The following RASAL2 variants were observed in gnomAD, a reference collection of about 807,000 sequenced individuals.
RASAL2 encodes the protein RAS protein activator like 2, also known as ras GTPase-activating protein nGAP.
Under a neutral mutation model 128.9 loss-of-function variants are expected in RASAL2, and 58 were observed. The ratio of observed to expected loss-of-function variants is 0.45; its 90% CI spans 0.36 to 0.56. The LOEUF (loss-of-function observed/expected upper bound fraction) is 0.56, where lower values mean the gene tolerates loss of function less well. RASAL2 is among the 20% of genes least tolerant of loss of function. The pLI, the probability that RASAL2 is intolerant of heterozygous loss-of-function variation, is 0.00. For missense variants in RASAL2, 1,360 were observed against 1,601.6 expected (o/e 0.85, Z 2.57); for synonymous variants, 561 against 580.8 (o/e 0.97, Z 0.49).
At chr1:178,392,140 G>C (rs574910435) in intron 4 of RASAL2, among the ~76,000 whole-genome samples, 1 of 152,228 alleles carries the variant, frequency 6.6e-6, no homozygotes, top group Admixed American at 6.5e-5. Flanking sequence ...TCCATTCTGA[G>C]ACCCTATATA....
intron 1 of RASAL2, among the ~76,000 whole-genome samples, chr1:178,163,284 A>C (rs931365023): frequency 2.0e-5 from 3 of 151,990 alleles, no homozygotes; most frequent in African/African-American, 7.3e-5. Context: ...TCTTGATGAT[A>C]GTTTTTGAAG....
At chr1:178,236,011 A>G (rs1049030664) in intron 1 of RASAL2, among the ~76,000 whole-genome samples, 3 of 152,310 alleles carry the variant, frequency 2.0e-5, no homozygotes, top group East Asian at 3.9e-4. Flanking sequence ...TAATTTTCCA[A>G]AAAAGATTAT....
chr1:178,358,248 A>AAAAAAAAAAAAAAAAAAAAAAAAT (rs1557927403), intron 3 of RASAL2, among the ~76,000 whole-genome samples: 1 of 148,126 alleles, frequency 6.8e-6, no homozygotes, highest in African/African-American at 2.5e-5. Context: ...AAAAAAAAAA[A>AAAAAAAAAAAAAAAAAAAAAAAAT]AAAAAAAAAA....
At chr1:178,096,501 A>G (rs888026760) in intron 1 of RASAL2, among the ~76,000 whole-genome samples, 9 of 151,766 alleles carry the variant, frequency 5.9e-5, no homozygotes, top group African/African-American at 2.2e-4. Flanking sequence ...AGAGAGAGAG[A>G]GTGAGAGCAA....
At chr1:178,434,681 T>G (rs1676141561) in intron 5 of RASAL2, among the ~76,000 whole-genome samples, 1 of 151,992 alleles carries the variant, frequency 6.6e-6, no homozygotes, top group African/African-American at 2.4e-5. Context: ...GCTCAGCTGG[T>G]GCTGTCAGGA....
intron 1 of RASAL2, among the ~76,000 whole-genome samples, chr1:178,212,673 G>C (rs1189011692): frequency 1.3e-5 from 2 of 152,070 alleles, no homozygotes; most frequent in Non-Finnish European, 1.5e-5. Context: ...TGTATTTTTA[G>C]TAGAGATGGG....
At chr1:178,350,414 T>C (rs1335688310) in intron 3 of RASAL2, among the ~76,000 whole-genome samples, 1 of 152,154 alleles carries the variant, frequency 6.6e-6, no homozygotes, top group African/African-American at 2.4e-5. Flanking sequence ...GTTTTGTTTT[T>C]GTAGAGACAG....
At chr1:178,121,382 C>T (rs1264031000) in intron 1 of RASAL2, among the ~76,000 whole-genome samples, 3 of 152,134 alleles carry the variant, frequency 2.0e-5, no homozygotes, top group Non-Finnish European at 4.4e-5. Context: ...GAAACTGAGG[C>T]TAAAATAGGT....
chr1:178,131,752 T>A (rs1181721598), intron 1 of RASAL2, among the ~76,000 whole-genome samples: 1 of 152,120 alleles, frequency 6.6e-6, no homozygotes, highest in Non-Finnish European at 1.5e-5. Flanking sequence ...TTTCTTGAGG[T>A]CACATGAATT....
At chr1:178,139,934 T>A (rs906742645) in intron 1 of RASAL2, among the ~76,000 whole-genome samples, 2 of 152,238 alleles carry the variant, frequency 1.3e-5, no homozygotes, top group Middle Eastern at 3.4e-3. Context: ...ATACATAATG[T>A]TTTTCTTTTT....
chr1:178,164,449 A>G (rs1661441848), intron 1 of RASAL2, among the ~76,000 whole-genome samples: 1 of 151,884 alleles, frequency 6.6e-6, no homozygotes, highest in Non-Finnish European at 1.5e-5. Flanking sequence ...ATTTTTAAGC[A>G]TCTCAGCAAG....
At chr1:178,102,382 G>A (rs745510359) in intron 1 of RASAL2, among the ~76,000 whole-genome samples, 21 of 151,940 alleles carry the variant, frequency 1.4e-4, no homozygotes, top group Non-Finnish European at 2.1e-4. Flanking sequence ...GTGCAGTGGC[G>A]CAATCATAGC....
chr1:178,250,863 A>T (rs1400672124), intron 1 of RASAL2, among the ~76,000 whole-genome samples: 3 of 152,178 alleles, frequency 2.0e-5, no homozygotes, highest in Non-Finnish European at 2.9e-5. Context: ...TTCGAATCAA[A>T]TGTACTTATT....
intron 1 of RASAL2, among the ~76,000 whole-genome samples, chr1:178,257,847 G>GAAAAAAA (rs71108038): frequency 7.8e-6 from 1 of 128,074 alleles, no homozygotes; most frequent in Non-Finnish European, 1.6e-5. Flanking sequence ...TCTCAAAAAA[G>GAAAAAAA]AAAAAAAAAA....
intron 1 of RASAL2, among the ~76,000 whole-genome samples, chr1:178,126,017 A>T (rs904446430): frequency 1.3e-5 from 2 of 152,226 alleles, no homozygotes; most frequent in African/African-American, 4.8e-5. Flanking sequence ...AATGTTTACT[A>T]TGTGCCAGAC....
At chr1:178,430,907 TACACACACACAC>T (rs71297897) in intron 5 of RASAL2, among the ~76,000 whole-genome samples, 11 of 134,060 alleles carry the variant, frequency 8.2e-5, no homozygotes, top group Non-Finnish European at 1.0e-4. Context: ...GGCAAAAAAG[TACACACACACAC>T]ACACACACAC....
intron 1 of RASAL2, among the ~76,000 whole-genome samples, chr1:178,243,239 GT>G (rs1664599596): frequency 6.6e-6 from 1 of 152,134 alleles, no homozygotes; most frequent in African/African-American, 2.4e-5. Context: ...TGTCTGCTTA[GT>G]TTAGCTGGAG....
In RASAL2 at chr1:178,464,403, T is replaced by G. The variant is rs1410117107; in HGVS notation, c.3378T>G (p.His1126Gln). 2 of 1,613,740 alleles carry G rather than the reference T, an allele frequency of 1.2e-6. No homozygotes were observed. The highest frequency in any genetic ancestry group is 1.3e-5 in the African/African-American group (1 of 75,030). ...AGCAAAATCTAGATGAAGCCAAGCA[T>G]GCTGAGAAGGTAGAACCTAGTCTGC... ...ETEQNLDEAK[H>Q]AEKYEQEITK... Residue 1126 changes from histidine (H) to glutamine (Q), a missense_variant, in exon 15 of 18, where the codon CAT becomes CAG. Coordinates refer to ENST00000367649, the MANE Select transcript of RASAL2 (RefSeq NM_170692.4).
intron 3 of RASAL2, among the ~76,000 whole-genome samples, chr1:178,387,559 G>A (rs1349452895): frequency 1.4e-5 from 2 of 144,904 alleles, no homozygotes; most frequent in East Asian, 4.4e-4. Flanking sequence ...GGAGTGTGAT[G>A]TTCCCCTTCC....
Sources: allele counts gnomAD v4.1 joint callset (sites outside exome capture counted in the v4.1 genomes callset), GRCh38; gene constraint gnomAD v4.1.1; transcripts MANE v1.5; gene names NCBI Gene and HGNC (gene_info 2026-07-23, HGNC 2026-07-21).